Variants in KHDRBS2 observed in about 807,000 individuals in gnomAD.
KHDRBS2 encodes KH RNA binding domain containing, signal transduction associated 2.
A neutral mutation model predicts 44.3 loss-of-function variants in KHDRBS2; 26 were observed. That is an observed-to-expected ratio of 0.59 (90% CI 0.43 to 0.81). The LOEUF (loss-of-function observed/expected upper bound fraction) is 0.81, where lower values mean the gene tolerates loss of function less well. Among genes scored for constraint, KHDRBS2 ranks in the 40% least tolerant of loss-of-function variants. The probability of loss-of-function intolerance (pLI) is 0.00; values close to 1 mark genes in which losing one functional copy is unlikely to be tolerated. For synonymous variants in KHDRBS2, 194 were observed against 151.1 expected (o/e 1.28, Z -2.08); for missense variants, 476 against 433.1 (o/e 1.10, Z -0.88).
chr6:61,571,210 G>T, the KHDRBS2 span, among the ~76,000 whole-genome samples: 1 of 152,002 alleles, frequency 6.6e-6, no homozygotes, highest in African/African-American at 2.4e-5. Flanking sequence ...TAAACTTATG[G>T]TAAAGGGGTG....
chr6:62,281,733 C>A (rs192876362), intron 1 of KHDRBS2, among the ~76,000 whole-genome samples: 38 of 152,078 alleles, frequency 2.5e-4, no homozygotes, highest in African/African-American at 8.2e-4. Flanking sequence ...CTTAAAAGAA[C>A]CCTGCCTGGT....
At chr6:62,018,281 C>A (rs1004028200) in intron 3 of KHDRBS2, among the ~76,000 whole-genome samples, 1 of 149,080 alleles carries the variant, frequency 6.7e-6, no homozygotes, top group African/African-American at 2.5e-5. Context: ...TGTGTATATT[C>A]ACACACTATA....
chr6:62,134,341 G>A (rs1312754543), intron 2 of KHDRBS2, among the ~76,000 whole-genome samples: 1 of 152,172 alleles, frequency 6.6e-6, no homozygotes, highest in Non-Finnish European at 1.5e-5. Context: ...GAGCCTGTAG[G>A]TGCACAGAAG....
rs187456156 is a variant in KHDRBS2, at chr6:62,026,384, T to G, written c.336+21494A>C. 5.4e-4 allele frequency among the ~76,000 whole-genome samples: 81 copies of G among 150,242 alleles called. No individual in the cohort carries two copies. The Middle Eastern group carries it at 0.011, about 20-fold the overall frequency. ...CATATAAGGATTTTCTTTTCTTTCT[T>G]TCCTTCTTTAACTAATTAATTATTT... On this transcript the variant is annotated intron_variant, in intron 3 of 8. Coordinates refer to ENST00000281156, the MANE Select transcript of KHDRBS2 (RefSeq NM_152688.4).
intron 2 of KHDRBS2, among the ~76,000 whole-genome samples, chr6:62,094,643 A>G (rs1800179606): frequency 6.6e-6 from 1 of 151,898 alleles, no homozygotes; most frequent in African/African-American, 2.4e-5. Context: ...GCCTAGGCCA[A>G]TGTCATGGAG....
intron 2 of KHDRBS2, among the ~76,000 whole-genome samples, chr6:62,075,895 A>ATCTCTCTC (rs3884304): frequency 0.028 from 4,082 of 147,938 alleles, 187 homozygotes; most frequent in African/African-American, 0.095. Context: ...ATCTCTCCCT[A>ATCTCTCTC]TCTCTCTCTC....
intron 3 of KHDRBS2, among the ~76,000 whole-genome samples, chr6:62,015,229 AAC>A (rs1214476640): frequency 1.3e-5 from 2 of 152,206 alleles, no homozygotes; most frequent in Non-Finnish European, 2.9e-5. Flanking sequence ...CATATGACAT[AAC>A]AGAGTTAGAG....
the KHDRBS2 span, among the ~76,000 whole-genome samples, chr6:61,613,060 G>A: frequency 0.2 from 29,622 of 151,876 alleles, 3,312 homozygotes; most frequent in South Asian, 0.33. Flanking sequence ...CACCATATTA[G>A]CCATGATGGT....
intron 7 of KHDRBS2, among the ~76,000 whole-genome samples, chr6:61,706,876 T>C (rs372908970): frequency 1.3e-5 from 2 of 151,308 alleles, no homozygotes; most frequent in East Asian, 3.9e-4. Context: ...GTGAACAAAA[T>C]AGGCAAAGAT....
chr6:62,185,140 T>C (rs1394498640), intron 1 of KHDRBS2, among the ~76,000 whole-genome samples: 1 of 151,960 alleles, frequency 6.6e-6, no homozygotes, highest in East Asian at 1.9e-4. Context: ...GCAATAATTA[T>C]TGCATTGTTT....
chr6:61,931,113 G>GA (rs558416043), intron 4 of KHDRBS2, among the ~76,000 whole-genome samples: 15 of 151,660 alleles, frequency 9.9e-5, no homozygotes, highest in Non-Finnish European at 2.1e-4. Context: ...TCCTTATAAT[G>GA]AAAAAAATAC....
intron 8 of KHDRBS2, among the ~76,000 whole-genome samples, chr6:61,692,167 G>A (rs1246160488): frequency 6.6e-6 from 1 of 152,034 alleles, no homozygotes; most frequent in Admixed American, 6.6e-5. Context: ...TGCAGCCTTA[G>A]TGAATTATAA....
the KHDRBS2 span, among the ~76,000 whole-genome samples, chr6:61,581,540 A>G: frequency 6.8e-6 from 1 of 147,384 alleles, no homozygotes. Context: ...ATAATATAAT[A>G]TACAATATAC....
At chr6:61,986,425 A>C (rs181732703) in intron 3 of KHDRBS2, among the ~76,000 whole-genome samples, 24 of 152,346 alleles carry the variant, frequency 1.6e-4, no homozygotes, top group East Asian at 3.9e-4. Flanking sequence ...AATAAAATTA[A>C]ATGTTACTTT....
At chr6:62,023,734 C>T in intron 3 of KHDRBS2, among the ~76,000 whole-genome samples, 1 of 151,154 alleles carries the variant, frequency 6.6e-6, no homozygotes, top group South Asian at 2.1e-4. Context: ...AATTTTCAGT[C>T]AGCAAATTAT....
intron 1 of KHDRBS2, among the ~76,000 whole-genome samples, chr6:62,209,524 G>A (rs1242043758): frequency 9.5e-6 from 1 of 104,928 alleles, no homozygotes; most frequent in Non-Finnish European, 2.0e-5. Context: ...AATTGAGAAT[G>A]CTACACAGAT....
chr6:62,227,336 T>C (rs1352606812), intron 1 of KHDRBS2, among the ~76,000 whole-genome samples: 3 of 152,202 alleles, frequency 2.0e-5, no homozygotes, highest in Non-Finnish European at 4.4e-5. Context: ...CTTCTGTTGG[T>C]ATATAGGAAT....
the KHDRBS2 span, among the ~76,000 whole-genome samples, chr6:61,567,694 C>T: frequency 1.6e-5 from 2 of 124,008 alleles, no homozygotes; most frequent in Non-Finnish European, 3.5e-5. Context: ...TCCCTCCTTT[C>T]CCCTTTCTTC....
intron 2 of KHDRBS2, among the ~76,000 whole-genome samples, chr6:62,099,797 A>G (rs1046816968): frequency 6.6e-6 from 1 of 152,082 alleles, no homozygotes; most frequent in African/African-American, 2.4e-5. Flanking sequence ...CAGGACCACC[A>G]CTCATTGACA....
Sources: gnomAD v4.1 joint callset for allele counts (sites outside exome capture counted in the v4.1 genomes callset) on GRCh38, gnomAD v4.1.1 for gene constraint, MANE v1.5 for transcripts, NCBI Gene and HGNC (gene_info 2026-07-23, HGNC 2026-07-21) for gene names.